ANKS1A: variants seen among roughly 807,000 people sequenced by gnomAD.
The protein encoded by ANKS1A is ankyrin repeat and SAM domain-containing protein 1A.
A neutral mutation model predicts 120.3 loss-of-function variants in ANKS1A; 55 were observed. The ratio of observed to expected loss-of-function variants is 0.46; its 90% CI spans 0.37 to 0.57. The LOEUF is 0.57. Ranked by LOEUF, ANKS1A falls within the 20% of genes least tolerant of loss-of-function variation. ANKS1A has a pLI of 0.00. For missense variants in ANKS1A, 1,123 were observed against 1,480.3 expected, an observed-to-expected ratio of 0.76 and a Z score of 3.96; for synonymous variants, 590 against 604.7, an observed-to-expected ratio of 0.98 and a Z score of 0.36.
intron 8 of ANKS1A, among the ~76,000 whole-genome samples, chr6:34,987,721 G>A (rs549910847): frequency 6.6e-6 from 1 of 152,366 alleles, no homozygotes; most frequent in Admixed American, 6.5e-5. Context: ...GAGAGATTAT[G>A]GATGCCAAAA....
chr6:35,048,407 G>C (rs1007427369), intron 11 of ANKS1A, among the ~76,000 whole-genome samples: 2 of 152,108 alleles, frequency 1.3e-5, no homozygotes, highest in African/African-American at 4.8e-5. Context: ...TGGTCGCCTC[G>C]GCAAGGACAG....
chr6:34,989,589 C>G (rs1772403550), intron 9 of ANKS1A, among the ~76,000 whole-genome samples: 1 of 152,204 alleles, frequency 6.6e-6, no homozygotes, highest in Non-Finnish European at 1.5e-5. Context: ...TGAACAGTCT[C>G]ACTTTTTGCT....
Position 34,982,924 on chromosome 6 carries a change from C to G in ANKS1A, c.808+97C>G. ...GGGATTTTTGCTGGCTGTGTTTGAA[C>G]TCAATGTATGTGTATCTCCACTGGT... is the stretch of plus-strand genomic sequence containing the variant. On this transcript the variant is annotated intron_variant, in intron 5 of 23. Transcript: ENST00000360359. This position sits in a 1 kb window ranked among gnomAD's most constrained non-coding sequence, Gnocchi z 4.9. 3 of 1,457,186 alleles carry G rather than the reference C, an allele frequency of 2.1e-6. No homozygotes were observed. In the South Asian group the frequency reaches 3.4e-5, roughly 17 times the overall value. 90.3% of individuals were successfully genotyped at this position (1,457,186 alleles called of 1,614,324 possible). A position where few individuals can be genotyped will look rare whatever the true frequency, so the allele number is the denominator to read the frequency against.
At chr6:35,096,189 G>A (rs931721149), downstream of ANKS1A, among the ~76,000 whole-genome samples, 11 of 152,176 alleles carry the variant, frequency 7.2e-5, no homozygotes, top group African/African-American at 2.4e-4. Context: ...TGAATCTCCT[G>A]TAGGATTCTC....
At chr6:35,004,484 A>G (rs1029775900) in intron 10 of ANKS1A, among the ~76,000 whole-genome samples, 2 of 152,144 alleles carry the variant, frequency 1.3e-5, no homozygotes, top group African/African-American at 4.8e-5. Context: ...TAATTTTTAA[A>G]AATTACATTT....
Position 34,994,402 on chromosome 6 carries a change from T to G in ANKS1A, c.1403T>G (p.Leu468Trp), listed in dbSNP as rs748620171. The G allele has an allele frequency of 1.1e-5, 18 of 1,612,784 alleles. No individual in the cohort carries two copies. The highest frequency in any genetic ancestry group is 1.4e-5 in the Non-Finnish European group (17 of 1,179,138). Residue 468 changes from leucine (L) to tryptophan (W), a missense_variant, in exon 10 of 24, where the codon TTG becomes TGG. By Grantham distance (61) the Leu-to-Trp change is moderately conservative (BLOSUM62 -2). Coordinates refer to ENST00000360359, the MANE Select transcript of ANKS1A (RefSeq NM_015245.3). Reference protein sequence around the residue: ...LLTAETKKVVLVDGKTKDHRR... With the variant: ...LLTAETKKVVWVDGKTKDHRR... Reference sequence around the variant, plus strand: ...ACAGCAGAGACAAAGAAAGTGGTGTTGGTGGATGGAAAAACAAAAGGTACG... The same window carrying G: ...ACAGCAGAGACAAAGAAAGTGGTGTGGGTGGATGGAAAAACAAAAGGTACG...
In ANKS1A at chr6:35,050,066, C is replaced by G. The variant is rs1775898115; in HGVS notation, c.2011-4033C>G. ...ACAGAGCTCCACCTCCCATCCCCAC[C>G]CCGTGGGCAGCCAGAATCCTGCGGT... is the stretch of plus-strand genomic sequence containing the variant. On this transcript the variant is annotated intron_variant, in intron 11 of 23. Coordinates refer to ENST00000360359, the MANE Select transcript of ANKS1A (RefSeq NM_015245.3). This position sits in a 1 kb window ranked among gnomAD's most constrained non-coding sequence, Gnocchi z 4.3. Among the ~76,000 whole-genome samples, 1 of 152,196 alleles carries G rather than the reference C, an allele frequency of 6.6e-6. No homozygotes were observed. Among genetic ancestry groups the G allele is most frequent in the African/African-American group, 2.4e-5 (1 of 41,428 alleles).
chr6:34,934,288 C>T (rs1257909300), intron 1 of ANKS1A, among the ~76,000 whole-genome samples: 7 of 152,090 alleles, frequency 4.6e-5, no homozygotes, highest in African/African-American at 1.7e-4. Flanking sequence ...GCTGGGACTA[C>T]AGGCGCCCAC....
At chr6:35,048,180 G>C (rs73403834) in intron 11 of ANKS1A, among the ~76,000 whole-genome samples, 1 of 152,126 alleles carries the variant, frequency 6.6e-6, no homozygotes, top group Admixed American at 6.5e-5. Flanking sequence ...CAGGGAAGAC[G>C]GACAAAGCAC....
chr6:34,927,390 A>G lies in ANKS1A; in HGVS notation c.197+37791A>G, dbSNP rs188330900. ...AGGGTAATGGGAAACTAGATTGAGT[A>G]TGTGATTTTGGGGATGGGAGGTGAG... is the stretch of plus-strand genomic sequence containing the variant. On this transcript the variant is annotated intron_variant, in intron 1 of 23. Coordinates refer to ENST00000360359, the MANE Select transcript of ANKS1A (RefSeq NM_015245.3). Among the ~76,000 whole-genome samples the G allele has an allele frequency of 3.3e-5, 5 of 152,176 alleles. No individual in the cohort carries two copies. In the East Asian group the frequency reaches 7.7e-4, roughly 23 times the overall value.
chr6:35,020,105 C>T (rs749621505), intron 11 of ANKS1A, among the ~76,000 whole-genome samples: 2 of 151,878 alleles, frequency 1.3e-5, no homozygotes, highest in African/African-American at 4.8e-5. Flanking sequence ...GAGTAGAAAG[C>T]GAGATTTGCA....
At chr6:35,055,905 T>C (rs1025939764) in intron 12 of ANKS1A, among the ~76,000 whole-genome samples, 3 of 152,206 alleles carry the variant, frequency 2.0e-5, no homozygotes, top group Non-Finnish European at 4.4e-5. Flanking sequence ...TTACACTCAG[T>C]CAAGCCATCT....
chr6:35,024,548 T>C (rs1457433415), intron 11 of ANKS1A, among the ~76,000 whole-genome samples: 2 of 152,256 alleles, frequency 1.3e-5, no homozygotes, highest in African/African-American at 4.8e-5. Context: ...ACATGCTTTG[T>C]ATGCATTTTG....
At chr6:34,993,743 A>G (rs538998261) in intron 9 of ANKS1A, among the ~76,000 whole-genome samples, 5 of 152,316 alleles carry the variant, frequency 3.3e-5, no homozygotes, top group Non-Finnish European at 5.9e-5. Context: ...GGAGGTGGGA[A>G]GGATTCCAGT....
intron 11 of ANKS1A, 118 bp from the exon 12 acceptor site, chr6:35,053,981 G>T: frequency 1.3e-6 from 1 of 782,456 alleles, no homozygotes; most frequent in Non-Finnish European, 2.3e-6. Context: ...GGCTGGTGCT[G>T]GTCCTGGGAA....
At chr6:35,048,358 CTG>C (rs926414401) in intron 11 of ANKS1A, among the ~76,000 whole-genome samples, 21 of 152,270 alleles carry the variant, frequency 1.4e-4, no homozygotes, top group Admixed American at 1.2e-3. Flanking sequence ...TGAGCCCGCT[CTG>C]TGGAAAAGGG....
At chr6:34,996,402 T>C (rs954174083) in intron 10 of ANKS1A, among the ~76,000 whole-genome samples, 5 of 152,202 alleles carry the variant, frequency 3.3e-5, no homozygotes. Flanking sequence ...ACAGTGTCTT[T>C]TGAAGAGAAG....
At chr6:34,997,306 C>T (rs1344930158) in intron 10 of ANKS1A, among the ~76,000 whole-genome samples, 9 of 150,884 alleles carry the variant, frequency 6.0e-5, no homozygotes, top group Non-Finnish European at 2.9e-5. Context: ...AAGTGATTCT[C>T]CTGCCTCAGC....
At position 35,088,760 on chromosome 6, in the gene ANKS1A, G is replaced by A. The variant is rs13084; in HGVS notation, c.*151G>A. 7.6e-6 allele frequency: 12 copies of A among 1,570,958 alleles called. No homozygotes were observed. The highest frequency in any genetic ancestry group is 1.0e-5 in the Non-Finnish European group (12 of 1,161,782). ...CCTCTTGGCCACTTGGCCTGGGCCT[G>A]CCACCACCACGTCCTGCAGAACGAG... On this transcript the variant is annotated 3_prime_UTR_variant, in exon 24 of 24. Transcript: ENST00000360359.
Sources: allele counts gnomAD v4.1 joint callset (sites outside exome capture counted in the v4.1 genomes callset), GRCh38; gene constraint gnomAD v4.1.1; non-coding constraint Gnocchi (gnomAD v3.1); transcripts MANE v1.5; gene names NCBI Gene and HGNC (gene_info 2026-07-23, HGNC 2026-07-21).